The following ACSM1 variants were observed in gnomAD, a reference collection of about 807,000 sequenced individuals.
ACSM1 encodes acyl-coenzyme A synthetase ACSM1, mitochondrial.
Under a neutral mutation model 75.8 loss-of-function variants are expected in ACSM1, and 79 were observed. The ratio of observed to expected loss-of-function variants is 1.04; its 90% CI spans 0.87 to 1.26. The LOEUF (loss-of-function observed/expected upper bound fraction) is 1.26. Ranked by LOEUF, ACSM1 falls within the 50% of genes most tolerant of loss-of-function variation. The pLI is 0.00. For missense variants in ACSM1, 676 were observed against 720.1 expected (o/e 0.94, Z 0.70); for synonymous variants, 279 against 265.8 (o/e 1.05, Z -0.48).
At chr16:20,677,226 T>TA (rs34392148) in intron 4 of ACSM1, among the ~76,000 whole-genome samples, 43,052 of 129,926 alleles carry the variant, frequency 0.33, 6,667 homozygotes, top group East Asian at 0.71. Context: ...TTAAAGAAAT[T>TA]AAAAAAAAAA....
In ACSM1 at chr16:20,682,395, T is replaced by C. The variant is rs2079465526; in HGVS notation, c.472A>G (p.Lys158Glu). The C allele has an allele frequency of 6.2e-7, 1 of 1,614,044 alleles. No individual in the cohort carries two copies. The highest frequency in any genetic ancestry group is 1.6e-4 in the Middle Eastern group (1 of 6,062). Residue 158 changes from lysine (K) to glutamate (E), a missense_variant, in exon 4 of 14, where the codon AAA (lysine) becomes GAA (glutamate). Transcript: ENST00000520010. ...TCTATGGTCACAATGCCCTTGGCTT[T>C]AGACAACTGTAGTCGATAGAGAATG... ...KDILYRLQLS[K>E]AKGIVTIDAL...
chr16:20,686,298 A>T lies in ACSM1; in HGVS notation c.193-895T>A, dbSNP rs567472664. Among the ~76,000 whole-genome samples the T allele has an allele frequency of 2.0e-5, 3 of 152,274 alleles. No homozygotes were observed. The East Asian group carries it at 5.8e-4, about 29-fold the overall frequency. ...CCAGGCCCTTTTTTGCCTCATAGAA[A>T]CAGCAAGATTCTACCTACAGAAACA... On this transcript the variant is annotated intron_variant, in intron 2 of 13. Coordinates refer to ENST00000520010, the MANE Select transcript of ACSM1 (RefSeq NM_001318890.3).
At chr16:20,627,910 A>G (rs1348716536) in intron 10 of ACSM1, among the ~76,000 whole-genome samples, 2 of 61,798 alleles carry the variant, frequency 3.2e-5, no homozygotes, top group African/African-American at 9.2e-5. Flanking sequence ...ATATATATAT[A>G]TATATATATA....
chr16:20,654,342 A>T (rs566469918), intron 7 of ACSM1, among the ~76,000 whole-genome samples: 5 of 152,346 alleles, frequency 3.3e-5, no homozygotes, highest in African/African-American at 9.6e-5. Flanking sequence ...AGGCATGGGC[A>T]AGGACTTCAT....
At chr16:20,637,504 C>A in intron 8 of ACSM1, 53 bp from the exon 9 acceptor site, 1 of 1,440,700 alleles carries the variant, frequency 6.9e-7, no homozygotes, top group Non-Finnish European at 9.8e-7. Flanking sequence ...AGGCTGATCA[C>A]AAAGCAGTCA....
At chr16:20,663,305 T>G (rs1010188415) in intron 6 of ACSM1, among the ~76,000 whole-genome samples, 1 of 152,110 alleles carries the variant, frequency 6.6e-6, no homozygotes, top group Non-Finnish European at 1.5e-5. Context: ...TCTACCCCCA[T>G]GTCCTCCCAT....
intron 4 of ACSM1, among the ~76,000 whole-genome samples, chr16:20,672,321 G>C (rs1028274039): frequency 6.7e-6 from 1 of 149,566 alleles, no homozygotes; most frequent in Admixed American, 6.7e-5. Context: ...GCTGGTGGGC[G>C]CTTATACTCC....
At chr16:20,653,839 T>G (rs904735795) in intron 7 of ACSM1, among the ~76,000 whole-genome samples, 3 of 152,106 alleles carry the variant, frequency 2.0e-5, no homozygotes, top group African/African-American at 4.8e-5. Flanking sequence ...CCAAGGTAAT[T>G]TATAGATTCA....
At chr16:20,690,947 A>ATAT in intron 2 of ACSM1, 50 bp downstream of exon 2, 1 of 1,565,144 alleles carries the variant, frequency 6.4e-7, no homozygotes, top group Non-Finnish European at 8.6e-7. Flanking sequence ...CAAGATAAGG[A>ATAT]AAGTGAGGCC....
intron 7 of ACSM1, among the ~76,000 whole-genome samples, chr16:20,647,279 G>A (rs911818074): frequency 6.6e-6 from 1 of 152,188 alleles, no homozygotes; most frequent in Non-Finnish European, 1.5e-5. Context: ...CTTGGACCGG[G>A]TTCGCCCAGT....
At chr16:20,651,745 T>C (rs757224444) in intron 7 of ACSM1, among the ~76,000 whole-genome samples, 32 of 151,986 alleles carry the variant, frequency 2.1e-4, no homozygotes, top group Non-Finnish European at 4.4e-4. Context: ...AAAAAACTAG[T>C]CAAATGCTTT....
intron 7 of ACSM1, among the ~76,000 whole-genome samples, chr16:20,642,186 A>G (rs2018101843): frequency 6.6e-6 from 1 of 152,216 alleles, no homozygotes; most frequent in Non-Finnish European, 1.5e-5. Context: ...GCAACTCTTG[A>G]GCCATTTTAA....
At chr16:20,665,366 C>T (rs1596886088) in intron 6 of ACSM1, among the ~76,000 whole-genome samples, 1 of 152,094 alleles carries the variant, frequency 6.6e-6, no homozygotes, top group South Asian at 2.1e-4. Context: ...CTATTATGAA[C>T]ACACTGATGC....
At chr16:20,636,979 T>C (rs2017756256) in intron 9 of ACSM1, 139 bp from the exon 10 acceptor site, 10 of 699,166 alleles carry the variant, frequency 1.4e-5, no homozygotes, top group Non-Finnish European at 2.5e-6. Context: ...AATAAAACTG[T>C]CAAAAGCCTT....
At chr16:20,629,454 G>GA (rs1172348720) in intron 10 of ACSM1, among the ~76,000 whole-genome samples, 2 of 152,010 alleles carry the variant, frequency 1.3e-5, no homozygotes, top group African/African-American at 2.4e-5. Flanking sequence ...AATCAGAAGG[G>GA]AAAAAATGTG....
intron 6 of ACSM1, among the ~76,000 whole-genome samples, 200 bp from the exon 7 acceptor site, chr16:20,662,073 A>G (rs1289629434): frequency 6.6e-6 from 1 of 152,216 alleles, no homozygotes; most frequent in Non-Finnish European, 1.5e-5. Flanking sequence ...AAACGCAGAT[A>G]ACGTTCCAAC....
chr16:20,697,253 G>A (rs2079694638), intron 1 of ACSM1, among the ~76,000 whole-genome samples: 1 of 151,806 alleles, frequency 6.6e-6, no homozygotes, highest in African/African-American at 2.4e-5. Context: ...TTTTTAGAAG[G>A]CATTCACTTT....
intron 12 of ACSM1, among the ~76,000 whole-genome samples, chr16:20,624,629 T>G (rs2016799945): frequency 6.6e-6 from 1 of 152,242 alleles, no homozygotes; most frequent in South Asian, 2.1e-4. Context: ...GGCAATTTAT[T>G]ATTTTTAGAT....
chr16:20,694,552 A>C (rs548541584), intron 1 of ACSM1, among the ~76,000 whole-genome samples: 1 of 152,180 alleles, frequency 6.6e-6, no homozygotes, highest in Non-Finnish European at 1.5e-5. Flanking sequence ...CAATTTTTCT[A>C]TGCAGGTGTC....
Sources: gnomAD v4.1 joint callset for allele counts (sites outside exome capture counted in the v4.1 genomes callset) on GRCh38, gnomAD v4.1.1 for gene constraint, MANE v1.5 for transcripts, NCBI Gene and HGNC (gene_info 2026-07-23, HGNC 2026-07-21) for gene names.